The following MTA3 variants were observed in gnomAD, a reference collection of about 807,000 sequenced individuals.
MTA3 encodes the protein metastasis associated 1 family member 3.
A neutral mutation model predicts 83.5 loss-of-function variants in MTA3; 34 were observed. That is an observed-to-expected ratio of 0.41 (90% CI 0.31 to 0.54). MTA3 has a LOEUF of 0.54. Among genes scored for constraint, MTA3 ranks in the 20% least tolerant of loss-of-function variants. MTA3 has a pLI of 0.33. For synonymous variants in MTA3, 303 were observed against 252.7 expected, an observed-to-expected ratio of 1.20 and a Z score of -1.89; for missense variants, 761 against 726.4, an observed-to-expected ratio of 1.05 and a Z score of -0.55.
At chr2:42,710,364 T>A (rs1666492473) in intron 14 of MTA3, among the ~76,000 whole-genome samples, 1 of 150,644 alleles carries the variant, frequency 6.6e-6, no homozygotes, top group Non-Finnish European at 1.5e-5. Context: ...ACCAGCCTGG[T>A]CAACATGGTG....
At chr2:42,496,871 T>G (rs536885011) in intron 2 of MTA3, among the ~76,000 whole-genome samples, 55 of 152,214 alleles carry the variant, frequency 3.6e-4, no homozygotes, top group African/African-American at 1.1e-3. Flanking sequence ...CACAGAGCTC[T>G]TCCTTCCATC....
intron 6 of MTA3, among the ~76,000 whole-genome samples, chr2:42,645,845 C>G (rs1218077413): frequency 6.6e-6 from 1 of 152,232 alleles, no homozygotes; most frequent in Admixed American, 6.5e-5. Context: ...TTATCCAAAA[C>G]TAGCTAAGGT....
intron 2 of MTA3, among the ~76,000 whole-genome samples, chr2:42,516,552 T>C (rs949114249): frequency 2.0e-5 from 3 of 152,166 alleles, no homozygotes; most frequent in Non-Finnish European, 4.4e-5. Context: ...TATAGTTTTA[T>C]TGTACAAAAT....
chr2:42,708,895 G>T lies in MTA3; in HGVS notation c.1324G>T (p.Val442Leu), dbSNP rs775951008. 1 of 1,613,838 alleles carries T rather than the reference G, an allele frequency of 6.2e-7. No individual in the cohort carries two copies. The highest frequency in any genetic ancestry group is 1.7e-5 in the Admixed American group (1 of 59,990). Reference sequence around the variant, plus strand: ...GCAGGACCCTCGTGTTAGAAGTCACGTGTCCCGCCAGGCCATGCAGGGAAT... The same window carrying T: ...GCAGGACCCTCGTGTTAGAAGTCACTTGTCCCGCCAGGCCATGCAGGGAAT... ...TTEDPRVRSH[V>L]SRQAMQGMPV... Residue 442 changes from valine (V) to leucine (L), a missense_variant, in exon 14 of 17, where the codon GTG (valine) becomes TTG (leucine). By Grantham distance (32) the Val-to-Leu change is conservative. Transcript: ENST00000405094.
At chr2:42,657,604 ATGTTTTT>A (rs1483975389) in intron 7 of MTA3, among the ~76,000 whole-genome samples, 1 of 152,052 alleles carries the variant, frequency 6.6e-6, no homozygotes, top group African/African-American at 2.4e-5. Flanking sequence ...GGTTCCTAGT[ATGTTTTT>A]GTTTTCAATA....
At chr2:42,621,131 A>AG (rs1553365284) in intron 4 of MTA3, among the ~76,000 whole-genome samples, 3 of 16,352 alleles carry the variant, frequency 1.8e-4, no homozygotes, top group Non-Finnish European at 3.3e-4. Context: ...CTCTTATTAG[A>AG]GTTTTTTTTT....
rs538376669 is a variant in MTA3, at chr2:42,739,160, G to C, written c.1760-14214G>C. Among the ~76,000 whole-genome samples, 20 of 152,150 alleles carry C rather than the reference G, an allele frequency of 1.3e-4. No individual in the cohort carries two copies. In the South Asian group the frequency reaches 3.9e-3, roughly 30 times the overall value. On this transcript the variant is annotated intron_variant, in intron 16 of 16. Transcript: ENST00000405094. Reference sequence around the variant, plus strand: ...CTTGCTGGTTTTTGTGGCTTGTGGGGCATCACAGATCCTACCAACGTGTGA... The same window carrying C: ...CTTGCTGGTTTTTGTGGCTTGTGGGCCATCACAGATCCTACCAACGTGTGA...
chr2:42,659,717 A>C, intron 7 of MTA3, 46 bp from the exon 8 acceptor site: 1 of 1,392,668 alleles, frequency 7.2e-7, no homozygotes. Context: ...AAAACAAACC[A>C]AAACAGATAC....
chr2:42,563,406 T>G (rs1025596236), intron 2 of MTA3, among the ~76,000 whole-genome samples: 6 of 152,280 alleles, frequency 3.9e-5, no homozygotes, highest in African/African-American at 1.4e-4. Flanking sequence ...TGACTTCAGG[T>G]GATTCGCCTG....
chr2:42,496,514 G>A (rs1409874818), intron 2 of MTA3, among the ~76,000 whole-genome samples: 1 of 149,912 alleles, frequency 6.7e-6, no homozygotes, highest in Non-Finnish European at 1.5e-5. Flanking sequence ...GGTATTTAGG[G>A]TCTTCATATC....
rs577627437 is a variant in MTA3 at position 42,672,396 on chromosome 2, A to G, written c.703-10005A>G. On this transcript the variant is annotated intron_variant, in intron 8 of 16. Coordinates refer to ENST00000405094, the MANE Select transcript of MTA3 (RefSeq NM_001330442.2). Reference sequence around the variant, plus strand: ...AGTGGCTCACGCCTGTAATCCTAGCACTCTGGGAGGCCGAGGCGGGTGGAT... The same window carrying G: ...AGTGGCTCACGCCTGTAATCCTAGCGCTCTGGGAGGCCGAGGCGGGTGGAT... Among the ~76,000 whole-genome samples the G allele has an allele frequency of 3.8e-3, 582 of 151,572 alleles. 4 individuals are homozygous for G. The highest frequency in any genetic ancestry group is 0.013 in the African/African-American group (533 of 41,360).
intron 11 of MTA3, chr2:42,702,819 C>T (rs1438959756): frequency 1.3e-5 from 2 of 152,160 alleles, no homozygotes; most frequent in Non-Finnish European, 2.9e-5. Flanking sequence ...GTTAGCCTAC[C>T]GTACATGGGG....
At chr2:42,584,261 A>T (rs1226114416) in intron 3 of MTA3, among the ~76,000 whole-genome samples, 5 of 152,146 alleles carry the variant, frequency 3.3e-5, no homozygotes, top group Admixed American at 6.6e-5. Flanking sequence ...TCTACACATG[A>T]TCAACTGTGA....
intron 14 of MTA3, among the ~76,000 whole-genome samples, chr2:42,711,344 T>C (rs1209687281): frequency 6.6e-6 from 1 of 152,178 alleles, no homozygotes; most frequent in African/African-American, 2.4e-5. Context: ...TTTTTCTCAA[T>C]TGACGGGCCA....
chr2:42,563,789 T>TTCCTTCCTTCCC (rs1677775197), upstream of MTA3, among the ~76,000 whole-genome samples: 3 of 141,930 alleles, frequency 2.1e-5, no homozygotes, highest in African/African-American at 8.0e-5. Context: ...CCTTCCTTCC[T>TTCCTTCCTTCCC]TCCTTCCTTC....
At chr2:42,536,644 G>C (rs1238576845) in intron 2 of MTA3, among the ~76,000 whole-genome samples, 3 of 152,098 alleles carry the variant, frequency 2.0e-5, no homozygotes, top group Admixed American at 6.5e-5. Context: ...CGGATCACGA[G>C]GTCAGGAGAT....
At chr2:42,752,571 G>C (rs1669959987) in intron 16 of MTA3, among the ~76,000 whole-genome samples, 1 of 152,112 alleles carries the variant, frequency 6.6e-6, no homozygotes, top group African/African-American at 2.4e-5. Flanking sequence ...GAGGGGGTGG[G>C]AGTGAGGGGC....
chr2:42,681,843 A>T (rs1409767982), intron 8 of MTA3, among the ~76,000 whole-genome samples: 1 of 151,674 alleles, frequency 6.6e-6, no homozygotes, highest in Non-Finnish European at 1.5e-5. Flanking sequence ...GTGAGCTATG[A>T]CCATGCCACA....
chr2:42,694,436 C>T (rs375462252), intron 9 of MTA3, among the ~76,000 whole-genome samples: 2 of 152,272 alleles, frequency 1.3e-5, no homozygotes, highest in Admixed American at 6.5e-5. Flanking sequence ...CAAGTTCCAA[C>T]CGATAGGATA....
Sources: gnomAD v4.1 joint callset for allele counts (sites outside exome capture counted in the v4.1 genomes callset) on GRCh38, gnomAD v4.1.1 for gene constraint, MANE v1.5 for transcripts, NCBI Gene and HGNC (gene_info 2026-07-23, HGNC 2026-07-21) for gene names.